PNPLA5: variants seen among roughly 807,000 people sequenced by gnomAD.
The protein encoded by PNPLA5 is patatin-like phospholipase domain-containing protein 5.
Under a neutral mutation model 49.1 loss-of-function variants are expected in PNPLA5, and 44 were observed. The ratio of observed to expected loss-of-function variants is 0.90; its 90% CI spans 0.70 to 1.15. The LOEUF is 1.15. Among genes scored for constraint, PNPLA5 ranks in the 50% most tolerant of loss-of-function variants. The pLI is 0.00. For synonymous variants in PNPLA5, 243 were observed against 244.4 expected (o/e 0.99, Z 0.06); for missense variants, 603 against 564.0 (o/e 1.07, Z -0.70).
rs148896213 is a variant in PNPLA5, at chr22:43,884,304, G to A, written c.991C>T (p.Arg331Cys). ...ACTRDPSRWA[R>C]FWHSGPGQVL... ...TGTCCAGGCCCCGAGTGCCAGAAGC[G>A]GGCCCACCGGCTGGGATCCCTCGTA... The change falls in exon 7 of 9, where the codon CGC (arginine) becomes TGC (cysteine). Residue 331 changes from arginine to cysteine, a missense_variant. Coordinates refer to ENST00000216177, the MANE Select transcript of PNPLA5 (RefSeq NM_138814.4). The A allele has an allele frequency of 1.6e-4, 262 of 1,598,970 alleles. 1 individual carries two copies. The highest frequency in any genetic ancestry group is 1.5e-3 in the Middle Eastern group (9 of 6,030).
In PNPLA5 at chr22:43,880,661, C is replaced by T. The variant is rs1053810296; in HGVS notation, c.*134G>A. The T allele has an allele frequency of 7.8e-5, 70 of 894,218 alleles. No homozygotes were observed. Among genetic ancestry groups the T allele is most frequent in the Non-Finnish European group, 9.7e-5 (66 of 677,608 alleles). The allele number at this position is 894,218 out of a possible 1,614,324, so 55.4% of individuals were successfully genotyped here. A position where few individuals can be genotyped will look rare whatever the true frequency, so the allele number is the denominator to read the frequency against. ...TGCTGACAGGCTGCGCCCCAAGGAA[C>T]GGGCTCCAAGCTGCAGGGTCTCCAC... On this transcript the variant is annotated 3_prime_UTR_variant, in exon 9 of 9. Transcript: ENST00000216177.
chr22:43,890,937 C>T (rs1026990043), intron 2 of PNPLA5, 125 bp downstream of exon 2: 7 of 1,271,240 alleles, frequency 5.5e-6, no homozygotes, highest in African/African-American at 4.5e-5. Flanking sequence ...CACCTACAAA[C>T]AGGTCCACCC....
In PNPLA5 at chr22:43,887,663, C is replaced by T. The variant is rs775783284; in HGVS notation, c.703-12G>A. The T allele has an allele frequency of 3.8e-6, 6 of 1,597,592 alleles. No individual in the cohort carries two copies. In the African/African-American group the frequency reaches 8.0e-5, roughly 21 times the overall value. On this transcript the variant is annotated splice_polypyrimidine_tract_variant and intron_variant, in intron 4 of 8. Transcript: ENST00000216177. ...TTGTCGGCCACTACCTGCCAACACA[C>T]AGGGCAAGGGTGAGATGGGCAAGGC...
At chr22:43,889,710 G>A (rs2049703051) in intron 3 of PNPLA5, 89 bp downstream of exon 3, 1 of 1,525,526 alleles carries the variant, frequency 6.6e-7, no homozygotes, top group Non-Finnish European at 8.8e-7. Flanking sequence ...GGTGCTCAAG[G>A]AGCGCTGGTT....
In PNPLA5 at chr22:43,891,811, G is replaced by C. The variant is rs1361179543; in HGVS notation, c.70C>G (p.His24Asp). ...FSGAGYLGAH[H>D]VGATECLRQR... ...CGCAGGCATTCGGTGGCGCCCACGTGGTGGGCGCCCAGGTAGCCGGCGCCG... is the reference window on the plus strand; with the variant it reads ...CGCAGGCATTCGGTGGCGCCCACGTCGTGGGCGCCCAGGTAGCCGGCGCCG... Residue 24 changes from histidine to aspartate, a missense_variant, in exon 1 of 9, where the codon CAC (histidine) becomes GAC (aspartate). Physicochemically the swap from His to Asp is moderately conservative, Grantham distance 81 (BLOSUM62 -1). Coordinates refer to ENST00000216177, the MANE Select transcript of PNPLA5 (RefSeq NM_138814.4). 13 of 1,522,192 alleles carry C rather than the reference G, an allele frequency of 8.5e-6. No individual in the cohort carries two copies. The highest frequency in any genetic ancestry group is 4.9e-5 in the Admixed American group (2 of 41,224). 94.3% of individuals were successfully genotyped at this position (1,522,192 alleles called of 1,614,324 possible).
chr22:43,887,308 G>A (rs2049675470), intron 5 of PNPLA5, among the ~76,000 whole-genome samples: 1 of 152,110 alleles, frequency 6.6e-6, no homozygotes, highest in African/African-American at 2.4e-5. Flanking sequence ...TGCCTCCTCT[G>A]GACTCCCACA....
Position 43,891,106 on chromosome 22 carries a change from T to C in PNPLA5, c.382A>G (p.Asn128Asp). Residue 128 changes from asparagine to aspartate, a missense_variant, in exon 2 of 9, where the codon AAC becomes GAC. Transcript: ENST00000216177. ...ISLTRWPDGR[N>D]FLVTDFATCD... ...GTGGCGAAGTCAGTGACCAAGAAGT[T>C]GCGTCCGTCAGGCCAGCGGGTCAGC... The C allele has an allele frequency of 6.2e-7, 1 of 1,610,660 alleles. No homozygotes were observed. Among genetic ancestry groups the C allele is most frequent in the Non-Finnish European group, 8.5e-7 (1 of 1,178,462 alleles).
intron 2 of PNPLA5, 39 bp downstream of exon 2, chr22:43,891,023 C>T (rs747189532): frequency 6.3e-7 from 1 of 1,580,710 alleles, no homozygotes; most frequent in Admixed American, 1.9e-5. Flanking sequence ...AGATGGAGCC[C>T]GCCCACCAGC....
chr22:43,891,328 G>A, intron 1 of PNPLA5, 34 bp from the exon 2 acceptor site: 7 of 1,527,706 alleles, frequency 4.6e-6, no homozygotes, highest in Non-Finnish European at 6.1e-6. Context: ...AGACCTCAGC[G>A]CCCAGGGATC....
chr22:43,881,148 C>T (rs1356946079), intron 8 of PNPLA5, among the ~76,000 whole-genome samples: 1 of 152,174 alleles, frequency 6.6e-6, no homozygotes, highest in Non-Finnish European at 1.5e-5. Context: ...CAGGACCCCC[C>T]AAGTCTGGAG....
intron 3 of PNPLA5, 128 bp from the exon 4 acceptor site, chr22:43,889,666 C>A: frequency 1.3e-6 from 2 of 1,517,474 alleles, no homozygotes; most frequent in Admixed American, 4.4e-5. Context: ...GCTGAACGCC[C>A]CCCAGGAGCA....
chr22:43,884,511 C>T (rs1203290955), intron 6 of PNPLA5, 166 bp from the exon 7 acceptor site: 1 of 677,188 alleles, frequency 1.5e-6, no homozygotes, highest in African/African-American at 2.0e-5. Flanking sequence ...GCTCTGCGCT[C>T]ATCGTTGTCC....
At chr22:43,890,150 C>T (rs988950515) in intron 2 of PNPLA5, 7 of 875,510 alleles carry the variant, frequency 8.0e-6, no homozygotes, top group Admixed American at 1.2e-4. Context: ...GTGGCCCAGA[C>T]TCCTTGCCTG....
chr22:43,890,734 G>A (rs1376602945), intron 2 of PNPLA5, among the ~76,000 whole-genome samples: 3 of 152,166 alleles, frequency 2.0e-5, no homozygotes, highest in Non-Finnish European at 4.4e-5. Context: ...TCAACCCACC[G>A]CCAAAAAGCG....
At chr22:43,889,292 G>A (rs569927434) in intron 4 of PNPLA5, 37 bp downstream of exon 4, 111 of 1,608,144 alleles carry the variant, frequency 6.9e-5, no homozygotes, top group Non-Finnish European at 9.3e-5. Flanking sequence ...CCTTGACCTT[G>A]GCCAAGCCTC....
chr22:43,885,724 AGCG>A (rs1299798603), intron 6 of PNPLA5, among the ~76,000 whole-genome samples: 1 of 152,190 alleles, frequency 6.6e-6, no homozygotes, highest in Non-Finnish European at 1.5e-5. Context: ...TTAGTCACAC[AGCG>A]GGCGGGCAGA....
At chr22:43,884,111 CG>C in intron 7 of PNPLA5, 101 bp downstream of exon 7, 9 of 898,934 alleles carry the variant, frequency 1.0e-5, no homozygotes, top group Non-Finnish European at 6.4e-6. Flanking sequence ...CCCCCCACCC[CG>C]CCGAGCCCTA....
In PNPLA5 at chr22:43,891,678, C is replaced by T. The variant is rs1405975990; in HGVS notation, c.193+10G>A. 1.9e-6 allele frequency: 3 copies of T among 1,543,360 alleles called. No homozygotes were observed. Among genetic ancestry groups the T allele is most frequent in the East Asian group, 2.5e-5 (1 of 40,598 alleles). On this transcript the variant is annotated intron_variant, in intron 1 of 8. Coordinates refer to ENST00000216177, the MANE Select transcript of PNPLA5 (RefSeq NM_138814.4). ...CCCGCCCCTTTTCGCCCCCGCGGTC[C>T]GGGACTCACCGACCGACTTGCCGCA...
At position 43,889,538 on chromosome 22, in the gene PNPLA5, G is replaced by A. The variant is rs144355101; in HGVS notation, c.493C>T (p.Arg165Cys). Residue 165 changes from arginine to cysteine, a missense_variant and splice_region_variant, in exon 4 of 9, where the codon CGC (arginine) becomes TGC (cysteine). Arg to Cys is a radical substitution (Grantham distance 180). Transcript: ENST00000216177. Reference protein sequence around the residue: ...GLIPPEFRGERYIDGALSNNL... With the variant: ...GLIPPEFRGECYIDGALSNNL... ...TTGCTCAGAGCCCCATCGATGTAGCGCTGCAATTTGTGGGGAGCAGGTGGG... is the reference window on the plus strand; with the variant it reads ...TTGCTCAGAGCCCCATCGATGTAGCACTGCAATTTGTGGGGAGCAGGTGGG... 238 of 1,601,248 alleles carry A rather than the reference G, an allele frequency of 1.5e-4. No homozygotes were observed. The East Asian group carries it at 2.1e-3, about 14-fold the overall frequency.
Sources: gnomAD v4.1 joint callset for allele counts (sites outside exome capture counted in the v4.1 genomes callset) on GRCh38, gnomAD v4.1.1 for gene constraint, MANE v1.5 for transcripts, NCBI Gene and HGNC (gene_info 2026-07-23, HGNC 2026-07-21) for gene names.